The following SMARCA1 variants were observed in gnomAD, a reference collection of about 807,000 sequenced individuals.
The protein encoded by SMARCA1 is SNF2 related chromatin remodeling ATPase 1, also known as SWI/SNF-related matrix-associated actin-dependent regulator of chromatin subfamily A member 1.
In SMARCA1, 17 loss-of-function variants were observed where a neutral mutation model predicts 93.6. The ratio of observed to expected loss-of-function variants is 0.18; its 90% CI spans 0.12 to 0.27. The LOEUF is 0.27. SMARCA1 is among the 10% of genes least tolerant of loss of function. The pLI is 1.00. For missense variants in SMARCA1, 630 were observed against 819.0 expected (o/e 0.77, Z 2.82); for synonymous variants, 271 against 271.4 (o/e 1.00, Z 0.01).
In SMARCA1 at chrX:129,504,813, G is replaced by A. The variant is rs182991408; in HGVS notation, c.1099-11C>T. 12 of 1,146,273 alleles carry A rather than the reference G, an allele frequency of 1.0e-5. No homozygotes were observed. The highest frequency in any genetic ancestry group is 3.5e-5 in the African/African-American group (2 of 56,551). 94.5% of individuals were successfully genotyped at this position (1,146,273 alleles called of 1,213,427 possible). The stretch of plus-strand genomic sequence containing the variant: ...CCAAGAATCAAAGTCCTGTAGAGGG[G>A]TGGAAATTCTCCAATGAGTGCACAG... On this transcript the variant is annotated splice_polypyrimidine_tract_variant and intron_variant, in intron 8 of 24. Transcript: ENST00000371121.
At chrX:129,475,666 T>A (rs1933349264) in intron 19 of SMARCA1, among the ~76,000 whole-genome samples, 1 of 112,477 alleles carries the variant, frequency 8.9e-6, no homozygotes, top group African/African-American at 3.2e-5. Flanking sequence ...AAAGTAAAAA[T>A]CTCAATTATT....
At chrX:129,512,054 C>A in intron 5 of SMARCA1, 71 bp from the exon 6 acceptor site, 3 of 852,477 alleles carry the variant, frequency 3.5e-6, no homozygotes, top group Non-Finnish European at 5.0e-6. Context: ...TTAGGAACAA[C>A]ATAACAAAAG....
At chrX:129,454,150 C>T (rs1436279404) in intron 23 of SMARCA1, among the ~76,000 whole-genome samples, 1 of 111,627 alleles carries the variant, frequency 9.0e-6, no homozygotes, top group African/African-American at 3.3e-5. Flanking sequence ...CATCTACAAC[C>T]ATCTGATCTT....
At chrX:129,497,810 T>A in intron 11 of SMARCA1, 35 bp downstream of exon 11, 1 of 919,526 alleles carries the variant, frequency 1.1e-6, no homozygotes, top group Non-Finnish European at 1.6e-6. Flanking sequence ...TTAATATAAA[T>A]TTATTCCATG....
intron 23 of SMARCA1, among the ~76,000 whole-genome samples, chrX:129,452,877 A>G (rs1174111463): frequency 1.8e-5 from 2 of 112,001 alleles, no homozygotes; most frequent in Admixed American, 9.5e-5. Context: ...CATTTTTCCA[A>G]GAGGATATGT....
At chrX:129,483,415 G>A (rs920948335) in intron 17 of SMARCA1, among the ~76,000 whole-genome samples, 6 of 111,288 alleles carry the variant, frequency 5.4e-5, no homozygotes, top group African/African-American at 6.5e-5. Context: ...CTGAGATACC[G>A]ATATTATAAT....
intron 1 of SMARCA1, among the ~76,000 whole-genome samples, chrX:129,518,912 G>C (rs2124352889): frequency 9.0e-6 from 1 of 111,363 alleles, no homozygotes; most frequent in Admixed American, 9.5e-5. Context: ...TGTGGTTTCT[G>C]TTCCTAAAAC....
intron 10 of SMARCA1, among the ~76,000 whole-genome samples, chrX:129,498,465 C>T (rs747266951): frequency 1.1e-3 from 125 of 111,488 alleles, no homozygotes; most frequent in African/African-American, 3.8e-3. Context: ...TTTTCATTCT[C>T]TTTTCTACAA....
chrX:129,470,601 C>T (rs1933072262), intron 20 of SMARCA1, among the ~76,000 whole-genome samples: 1 of 111,528 alleles, frequency 9.0e-6, no homozygotes, highest in African/African-American at 3.3e-5. Flanking sequence ...CACGGTGACT[C>T]ACACCTGTAG....
Position 129,471,241 on chromosome X carries a change from G to A in SMARCA1, c.2528C>T (p.Pro843Leu). Reference protein sequence around the residue: ...KKIDGAEPLTPEETEEKEKLL... With the variant: ...KKIDGAEPLTLEETEEKEKLL... ...TTTTTCCTTTTCTTCAGTCTCTTCT[G>A]GTGTAAGAGGTTCAGCTCCATCAAT... Residue 843 changes from proline to leucine, a missense_variant, in exon 20 of 25, where the codon CCA (proline) becomes CTA (leucine). Physicochemically the swap from Pro to Leu is moderately conservative, Grantham distance 98. Coordinates refer to ENST00000371121, the MANE Select transcript of SMARCA1 (RefSeq NM_001282874.2). The A allele has an allele frequency of 8.3e-7, 1 of 1,198,448 alleles. No individual in the cohort carries two copies. The highest frequency in any genetic ancestry group is 1.1e-6 in the Non-Finnish European group (1 of 885,287).
chrX:129,512,535 T>C, intron 5 of SMARCA1, among the ~76,000 whole-genome samples: 1 of 111,628 alleles, frequency 9.0e-6, no homozygotes, highest in Non-Finnish European at 1.9e-5. Flanking sequence ...CTGAGAGAGA[T>C]CACCAACTCC....
chrX:129,468,273 A>T (rs1335190430), intron 21 of SMARCA1, among the ~76,000 whole-genome samples: 2 of 112,469 alleles, frequency 1.8e-5, no homozygotes, highest in Admixed American at 1.9e-4. Flanking sequence ...TGATTAAAGC[A>T]ATCTTTTCAG....
chrX:129,515,535 A>T, intron 5 of SMARCA1, 152 bp downstream of exon 5: 4 of 450,552 alleles, frequency 8.9e-6, no homozygotes, highest in East Asian at 3.8e-5. Flanking sequence ...TCAAAAAAAT[A>T]ATAATAATTC....
intron 23 of SMARCA1, among the ~76,000 whole-genome samples, chrX:129,449,676 T>C (rs1057485913): frequency 8.9e-6 from 1 of 111,832 alleles, no homozygotes; most frequent in African/African-American, 3.3e-5. Context: ...AAAGGATAAA[T>C]AATATTTTAA....
At chrX:129,493,667 C>T (rs1340178734) in intron 12 of SMARCA1, among the ~76,000 whole-genome samples, 1 of 112,010 alleles carries the variant, frequency 8.9e-6, no homozygotes, top group African/African-American at 3.2e-5. Context: ...TATTTAATCT[C>T]TCTGAGACAC....
intron 2 of SMARCA1, 141 bp from the exon 3 acceptor site, chrX:129,516,638 T>C (rs1168178111): frequency 4.0e-6 from 2 of 499,875 alleles, no homozygotes; most frequent in Non-Finnish European, 6.4e-6. Context: ...ATGACGTAAT[T>C]ACAAGTATCA....
chrX:129,461,104 A>C, intron 23 of SMARCA1, among the ~76,000 whole-genome samples: 1 of 111,709 alleles, frequency 9.0e-6, no homozygotes, highest in Middle Eastern at 4.6e-3. Flanking sequence ...ATGCATTGAA[A>C]CTACTACAAA....
intron 7 of SMARCA1, among the ~76,000 whole-genome samples, chrX:129,506,975 A>G (rs1934841165): frequency 8.9e-6 from 1 of 111,750 alleles, no homozygotes; most frequent in South Asian, 3.7e-4. Flanking sequence ...CTTTCTAAAC[A>G]TAAGACCAGA....
intron 19 of SMARCA1, among the ~76,000 whole-genome samples, chrX:129,474,708 CAA>C (rs1055946091): frequency 1.5e-4 from 17 of 111,536 alleles, no homozygotes; most frequent in African/African-American, 5.5e-4. Context: ...AGAAAAGGCT[CAA>C]AGTTTCTAAA....
Sources: gnomAD v4.1 joint callset for allele counts (sites outside exome capture counted in the v4.1 genomes callset) on GRCh38, gnomAD v4.1.1 for gene constraint, MANE v1.5 for transcripts, NCBI Gene and HGNC (gene_info 2026-07-23, HGNC 2026-07-21) for gene names.